The following SNCG variants were observed in gnomAD, a reference collection of about 807,000 sequenced individuals.
SNCG encodes synuclein gamma.
SNCG carries 13 observed loss-of-function variants against 16.0 expected under a neutral mutation model. The ratio of observed to expected loss-of-function variants is 0.81; its 90% CI spans 0.53 to 1.29. SNCG has a LOEUF of 1.29. Among genes scored for constraint, SNCG ranks in the 50% most tolerant of loss-of-function variants. SNCG has a pLI of 0.00. For synonymous variants in SNCG, 66 were observed against 66.3 expected, an observed-to-expected ratio of 1.00 and a Z score of 0.02; for missense variants, 154 against 168.5, an observed-to-expected ratio of 0.91 and a Z score of 0.48.
At chr10:86,958,245 G>C, upstream of SNCG, 1 of 970,836 alleles carries the variant, frequency 1.0e-6, no homozygotes, top group Non-Finnish European at 1.2e-6. Flanking sequence ...CAATGGCCAA[G>C]GCGCCTCCCC....
rs1043166025 is a variant in SNCG at position 86,962,704 on chromosome 10, T to C, written c.363+29T>C. 8 of 1,566,318 alleles carry C rather than the reference T, an allele frequency of 5.1e-6. No homozygotes were observed. In the African/African-American group the frequency reaches 8.1e-5, roughly 16 times the overall value. ...GGAGCTGGGCTCCTGGGGTGCACCATGGGGGGTTCCTTGGTAGGGACCCCA... is the reference window on the plus strand; with the variant it reads ...GGAGCTGGGCTCCTGGGGTGCACCACGGGGGGTTCCTTGGTAGGGACCCCA... On this transcript the variant is annotated intron_variant, in intron 4 of 4. Coordinates refer to ENST00000372017, the MANE Select transcript of SNCG (RefSeq NM_003087.3).
chr10:86,956,893 G>A (rs1844243528), upstream of SNCG, among the ~76,000 whole-genome samples: 2 of 152,230 alleles, frequency 1.3e-5, no homozygotes, highest in South Asian at 4.1e-4. Flanking sequence ...CTGGGTCGCT[G>A]AGGCAGAGCG....
chr10:86,956,612 G>A (rs921965301), upstream of SNCG, among the ~76,000 whole-genome samples: 1 of 152,212 alleles, frequency 6.6e-6, no homozygotes, highest in African/African-American at 2.4e-5. Context: ...GTGTGGCCTT[G>A]GGCAAGCCCC....
Position 86,963,038 on chromosome 10 carries a change from C to G in SNCG, c.*53C>G. 1 of 1,549,962 alleles carries G rather than the reference C, an allele frequency of 6.5e-7. No homozygotes were observed. The highest frequency in any genetic ancestry group is 1.4e-5 in the African/African-American group (1 of 73,804). Reference sequence around the variant, plus strand: ...GAAGAGCGCTCCTCTGCCTTGGACACCATCCCCTCCTAGCACAAGGAGTGC... The same window carrying G: ...GAAGAGCGCTCCTCTGCCTTGGACAGCATCCCCTCCTAGCACAAGGAGTGC... On this transcript the variant is annotated 3_prime_UTR_variant, in exon 5 of 5. Transcript: ENST00000372017.
intron 3 of SNCG, among the ~76,000 whole-genome samples, chr10:86,962,132 C>T (rs1844362301): frequency 6.6e-6 from 1 of 152,204 alleles, no homozygotes; most frequent in Admixed American, 6.5e-5. Flanking sequence ...TGATCTGATG[C>T]CAACACACCC....
intron 1 of SNCG, 42 bp downstream of exon 1, chr10:86,958,860 G>T: frequency 1.3e-6 from 2 of 1,561,618 alleles, no homozygotes; most frequent in Non-Finnish European, 1.7e-6. Flanking sequence ...GGTGGCCAAA[G>T]GGTGAGTGCC....
chr10:86,956,220 G>A (rs1363186230), upstream of SNCG, among the ~76,000 whole-genome samples: 3 of 149,992 alleles, frequency 2.0e-5, no homozygotes, highest in East Asian at 2.0e-4. Flanking sequence ...GGGGGCAGGC[G>A]GGAATGAGGT....
At chr10:86,956,781 C>T (rs1844241515), upstream of SNCG, among the ~76,000 whole-genome samples, 1 of 152,234 alleles carries the variant, frequency 6.6e-6, no homozygotes, top group Admixed American at 6.5e-5. Flanking sequence ...GGGGGACTTA[C>T]AGGCCCAACA....
At chr10:86,955,976 A>G (rs1015291148), upstream of SNCG, among the ~76,000 whole-genome samples, 16 of 152,056 alleles carry the variant, frequency 1.1e-4, no homozygotes, top group Admixed American at 9.2e-4. Flanking sequence ...CTCTCCCACA[A>G]CCAAGGGGGT....
Position 86,959,368 on chromosome 10 carries a change from C to G in SNCG, c.122-265C>G. The G allele has an allele frequency of 1.8e-6, 1 of 567,708 alleles. No individual in the cohort carries two copies. The highest frequency in any genetic ancestry group is 3.1e-6 in the Non-Finnish European group (1 of 321,048). 35.2% of individuals were successfully genotyped at this position (567,708 alleles called of 1,614,324 possible). A position where few individuals can be genotyped will look rare whatever the true frequency, so the allele number is the denominator to read the frequency against. Reference sequence around the variant, plus strand: ...CTTCTGAGGCCCGGCCACACCCGGGCAGGGGCTGGACCCTGGGTCTAGCCA... The same window carrying G: ...CTTCTGAGGCCCGGCCACACCCGGGGAGGGGCTGGACCCTGGGTCTAGCCA... On this transcript the variant is annotated intron_variant, in intron 1 of 4. Transcript: ENST00000372017. The surrounding 1 kb of genome is among the most constrained non-coding windows in gnomAD (Gnocchi z 4.3).
At chr10:86,956,430 G>GT (rs1231774419), upstream of SNCG, among the ~76,000 whole-genome samples, 7 of 152,180 alleles carry the variant, frequency 4.6e-5, no homozygotes, top group Non-Finnish European at 1.0e-4. Context: ...AGAAGTGTAA[G>GT]TTGGCCCCCC....
intron 3 of SNCG, 102 bp from the exon 4 acceptor site, chr10:86,962,502 C>T (rs557015462): frequency 1.7e-5 from 13 of 785,878 alleles, no homozygotes; most frequent in Non-Finnish European, 2.5e-5. Context: ...CGAGGGGCCT[C>T]TGCTCCTCCT....
intron 3 of SNCG, among the ~76,000 whole-genome samples, chr10:86,962,365 T>A (rs61856987): frequency 0.16 from 24,761 of 152,112 alleles, 2,176 homozygotes; most frequent in South Asian, 0.2. Context: ...GGGGACCAGC[T>A]TGAGGGGTGA....
chr10:86,957,291 C>G, upstream of SNCG: 1 of 1,387,860 alleles, frequency 7.2e-7, no homozygotes, highest in South Asian at 1.2e-5. Flanking sequence ...AGATGGGACC[C>G]CAGTGAGGTC....
At chr10:86,962,814 G>T in intron 4 of SNCG, 139 bp downstream of exon 4, 1 of 1,147,860 alleles carries the variant, frequency 8.7e-7, no homozygotes, top group Non-Finnish European at 1.2e-6. Flanking sequence ...CAGGGACTGT[G>T]TACAGGGCTA....
intron 3 of SNCG, among the ~76,000 whole-genome samples, chr10:86,961,482 T>C (rs1375536578): frequency 1.3e-5 from 2 of 151,926 alleles, no homozygotes; most frequent in Non-Finnish European, 2.9e-5. Flanking sequence ...GCAGAACACA[T>C]AGAGCCCCAG....
Position 86,958,750 on chromosome 10 carries a change from CG to C in SNCG, c.55del (p.Val19TrpfsTer8). ...ATCGCCAAGGAGGGCGTGGTGGGTG[CG>C]GTGGAAAAGACCAAGCAGGGGGTGA... Reference protein sequence around the residue: ...FSIAKEGVVGAVEKTKQGVTE... With the variant: ...FSIAKEGVVGXVEKTKQGVTE... On this transcript the variant is annotated frameshift_variant, in exon 1 of 5. Transcript: ENST00000372017. LOFTEE classifies it high-confidence loss of function. 6.2e-7 allele frequency: 1 copy of C among 1,613,646 alleles called. No homozygotes were observed. Among genetic ancestry groups the C allele is most frequent in the African/African-American group, 1.3e-5 (1 of 75,024 alleles).
chr10:86,960,940 T>G (rs143724102), intron 3 of SNCG, among the ~76,000 whole-genome samples: 51 of 152,324 alleles, frequency 3.3e-4, no homozygotes, highest in Middle Eastern at 3.4e-3. Context: ...CAAGGTCCCA[T>G]GGCTAGTTCA....
intron 3 of SNCG, 80 bp downstream of exon 3, chr10:86,960,208 C>G: frequency 7.2e-7 from 1 of 1,387,604 alleles, no homozygotes; most frequent in Non-Finnish European, 9.9e-7. Flanking sequence ...TCACTCCACT[C>G]CACACCCCAG....
Sources: gnomAD v4.1 joint callset for allele counts (sites outside exome capture counted in the v4.1 genomes callset) on GRCh38, gnomAD v4.1.1 for gene constraint, Gnocchi (gnomAD v3.1) non-coding constraint, MANE v1.5 for transcripts, NCBI Gene and HGNC (gene_info 2026-07-23, HGNC 2026-07-21) for gene names.